Variants in SLC9A9 observed in about 807,000 individuals in gnomAD.
The protein encoded by SLC9A9 is sodium/hydrogen exchanger 9.
In SLC9A9, 62 loss-of-function variants were observed where a neutral mutation model predicts 77.8. The ratio of observed to expected loss-of-function variants is 0.80; its 90% CI spans 0.65 to 0.98. The LOEUF (loss-of-function observed/expected upper bound fraction) is 0.98. SLC9A9 is among the 50% of genes least tolerant of loss of function. The pLI is 0.00. For synonymous variants in SLC9A9, 320 were observed against 283.5 expected (o/e 1.13, Z -1.29); for missense variants, 775 against 774.9 (o/e 1.00, Z 0.00).
At chr3:143,352,458 G>A (rs1044637745) in intron 14 of SLC9A9, among the ~76,000 whole-genome samples, 2 of 136,668 alleles carry the variant, frequency 1.5e-5, no homozygotes, top group African/African-American at 6.9e-5. Context: ...GGCTTCAAGG[G>A]ATGTCAAAGG....
In SLC9A9 at chr3:143,424,322, A is replaced by G. The variant is rs368334982; in HGVS notation, c.1470-42208T>C. Among the ~76,000 whole-genome samples the G allele has an allele frequency of 2.0e-5, 3 of 150,808 alleles. No individual in the cohort carries two copies. The East Asian group carries it at 5.9e-4, about 30-fold the overall frequency. ...CACTCTGTCACCCAGGCTGGAGTGCAGTAGCACGATCTCAGCTCATTGCAA... is the reference window on the plus strand; with the variant it reads ...CACTCTGTCACCCAGGCTGGAGTGCGGTAGCACGATCTCAGCTCATTGCAA... On this transcript the variant is annotated intron_variant, in intron 12 of 15. Transcript: ENST00000316549.
At chr3:143,334,799 T>C (rs771216634) in intron 14 of SLC9A9, among the ~76,000 whole-genome samples, 1 of 152,172 alleles carries the variant, frequency 6.6e-6, no homozygotes, top group Non-Finnish European at 1.5e-5. Flanking sequence ...CTCATAAAGA[T>C]ATGCCAAGAT....
intron 13 of SLC9A9, among the ~76,000 whole-genome samples, chr3:143,375,522 T>TAC (rs1407005883): frequency 6.6e-6 from 1 of 152,198 alleles, no homozygotes; most frequent in Non-Finnish European, 1.5e-5. Context: ...GAGAAAGACC[T>TAC]ACTCAGGGTA....
chr3:143,830,472 G>T (rs1488713179), intron 2 of SLC9A9, among the ~76,000 whole-genome samples: 1 of 152,158 alleles, frequency 6.6e-6, no homozygotes, highest in African/African-American at 2.4e-5. Flanking sequence ...GGATGCTGAT[G>T]AAGGAATAAA....
At chr3:143,356,963 A>G (rs772523548) in intron 14 of SLC9A9, among the ~76,000 whole-genome samples, 5 of 152,132 alleles carry the variant, frequency 3.3e-5, no homozygotes, top group Non-Finnish European at 7.4e-5. Context: ...GGTGTTATTA[A>G]CCAGGGGATG....
chr3:143,313,998 C>T (rs116027655), intron 14 of SLC9A9, among the ~76,000 whole-genome samples: 103 of 152,266 alleles, frequency 6.8e-4, no homozygotes, highest in African/African-American at 2.0e-3. Flanking sequence ...AGGGCATGGG[C>T]GGGGTGGAGA....
chr3:143,298,931 T>C (rs2030396246), intron 14 of SLC9A9, among the ~76,000 whole-genome samples: 1 of 152,236 alleles, frequency 6.6e-6, no homozygotes, highest in African/African-American at 2.4e-5. Context: ...TTTGTGATCT[T>C]ATTCAAGTCA....
chr3:143,406,562 T>C (rs914432151), intron 12 of SLC9A9, among the ~76,000 whole-genome samples: 22 of 152,258 alleles, frequency 1.4e-4, no homozygotes, highest in African/African-American at 5.1e-4. Flanking sequence ...GGTTTCACCA[T>C]GTTGGTCAAG....
rs775263877 is a variant in SLC9A9, at chr3:143,493,717, G to A, written c.1251C>T (p.Phe417=). ...TCTGTTTTCGGCCTAGATTCAGGAGGAAGGAGAGGGGATATATGTTGCAGG... is the reference window on the plus strand; with the variant it reads ...TCTGTTTTCGGCCTAGATTCAGGAGAAAGGAGAGGGGATATATGTTGCAGG... ...ARACNIYPLS[F]LLNLGRKQKI... The change falls in exon 11 of 16, where the codon TTC becomes TTT. Residue 417 remains phenylalanine (F), a synonymous_variant. Coordinates refer to ENST00000316549, the MANE Select transcript of SLC9A9 (RefSeq NM_173653.4). The A allele has an allele frequency of 9.9e-6, 16 of 1,614,106 alleles. No individual in the cohort carries two copies. The East Asian group carries it at 3.6e-4, about 36-fold the overall frequency.
At chr3:143,368,777 T>C (rs1462335382) in intron 13 of SLC9A9, among the ~76,000 whole-genome samples, 1 of 152,214 alleles carries the variant, frequency 6.6e-6, no homozygotes, top group African/African-American at 2.4e-5. Flanking sequence ...TTGCCTTGAC[T>C]TTCTAATTAC....
At chr3:143,476,325 G>A (rs560926304) in intron 11 of SLC9A9, among the ~76,000 whole-genome samples, 3 of 152,262 alleles carry the variant, frequency 2.0e-5, no homozygotes, top group South Asian at 4.1e-4. Flanking sequence ...GCTTTCCCTC[G>A]TCTCTCTTCC....
chr3:143,602,945 C>T (rs1466595532), intron 6 of SLC9A9, among the ~76,000 whole-genome samples: 1 of 152,224 alleles, frequency 6.6e-6, no homozygotes, highest in African/African-American at 2.4e-5. Flanking sequence ...CGCTTTAAAG[C>T]CAAGATTTCC....
At chr3:143,800,131 CAA>C (rs1444508714) in intron 2 of SLC9A9, among the ~76,000 whole-genome samples, 1 of 152,126 alleles carries the variant, frequency 6.6e-6, no homozygotes, top group Non-Finnish European at 1.5e-5. Context: ...TTCCCCAGTT[CAA>C]AGTCTCCTTC....
chr3:143,654,243 T>C (rs891418370), intron 5 of SLC9A9, among the ~76,000 whole-genome samples: 3 of 152,234 alleles, frequency 2.0e-5, no homozygotes, highest in Non-Finnish European at 2.9e-5. Flanking sequence ...GCTGTGTACA[T>C]AATATATACA....
chr3:143,574,215 A>G (rs1576585654), intron 7 of SLC9A9, 22 bp from the exon 8 acceptor site: 1 of 1,578,880 alleles, frequency 6.3e-7, no homozygotes, highest in East Asian at 2.2e-5. Flanking sequence ...AAGTTAAGGG[A>G]AACAACAACA....
At chr3:143,532,421 G>C (rs2108622537) in intron 9 of SLC9A9, among the ~76,000 whole-genome samples, 1 of 152,230 alleles carries the variant, frequency 6.6e-6, no homozygotes, top group East Asian at 1.9e-4. Flanking sequence ...TTATCAAAAA[G>C]CTTGACAACT....
chr3:143,338,991 C>T (rs10935489), intron 14 of SLC9A9, among the ~76,000 whole-genome samples: 40,844 of 151,986 alleles, frequency 0.27, 5,852 homozygotes, highest in African/African-American at 0.35. Context: ...GATAAGCATT[C>T]CTGGCTTATT....
intron 6 of SLC9A9, among the ~76,000 whole-genome samples, chr3:143,641,838 A>G (rs2038629012): frequency 6.6e-6 from 1 of 152,068 alleles, no homozygotes; most frequent in African/African-American, 2.4e-5. Context: ...TTCTCCCTCT[A>G]TGACCTTTCA....
intron 6 of SLC9A9, among the ~76,000 whole-genome samples, chr3:143,603,943 A>G (rs2037884370): frequency 6.6e-6 from 1 of 152,176 alleles, no homozygotes; most frequent in African/African-American, 2.4e-5. Flanking sequence ...TGTCTTTTGT[A>G]AGACTATAAT....
Sources: allele counts gnomAD v4.1 joint callset (sites outside exome capture counted in the v4.1 genomes callset), GRCh38; gene constraint gnomAD v4.1.1; transcripts MANE v1.5; gene names NCBI Gene and HGNC (gene_info 2026-07-23, HGNC 2026-07-21).